The following XKR9 variants were observed in gnomAD, a reference collection of about 807,000 sequenced individuals.
The protein encoded by XKR9 is XK related 9.
XKR9 carries 32 observed loss-of-function variants against 32.0 expected under a neutral mutation model. The ratio of observed to expected loss-of-function variants is 1.00; its 90% CI spans 0.76 to 1.34. The LOEUF (loss-of-function observed/expected upper bound fraction) is 1.34. XKR9 is among the 40% of genes most tolerant of loss of function. XKR9 has a pLI of 0.00. For missense variants in XKR9, 546 were observed against 429.7 expected (o/e 1.27, Z -2.39); for synonymous variants, 168 against 143.4 (o/e 1.17, Z -1.22).
the XKR9 span, among the ~76,000 whole-genome samples, chr8:70,915,084 G>T: frequency 1.3e-5 from 2 of 152,064 alleles, no homozygotes; most frequent in Admixed American, 6.6e-5. Context: ...GGTTCTTCTT[G>T]CTGTCTTCAG....
chr8:70,748,726 G>T (rs1807093218), intron 2 of XKR9, among the ~76,000 whole-genome samples: 1 of 152,180 alleles, frequency 6.6e-6, no homozygotes, highest in South Asian at 2.1e-4. Context: ...CTGAAGCCTG[G>T]AGGCCAGGCT....
chr8:70,930,851 T>G, the XKR9 span, among the ~76,000 whole-genome samples: 1 of 152,132 alleles, frequency 6.6e-6, no homozygotes, highest in Non-Finnish European at 1.5e-5. Flanking sequence ...ATGGGAGGAA[T>G]TGATGGTTGG....
chr8:70,925,872 A>G, the XKR9 span, among the ~76,000 whole-genome samples: 1 of 152,218 alleles, frequency 6.6e-6, no homozygotes, highest in African/African-American at 2.4e-5. Context: ...AACAAAAAGT[A>G]TCTAGTAAAC....
At chr8:70,678,343 A>G (rs1818951001) in intron 2 of XKR9, among the ~76,000 whole-genome samples, 1 of 152,182 alleles carries the variant, frequency 6.6e-6, no homozygotes, top group South Asian at 2.1e-4. Flanking sequence ...ATAGATGTAC[A>G]TATTTTTGAG....
chr8:70,964,276 A>G, the XKR9 span, among the ~76,000 whole-genome samples: 3 of 152,176 alleles, frequency 2.0e-5, no homozygotes, highest in Non-Finnish European at 4.4e-5. Flanking sequence ...AGATAGTTGT[A>G]GGTGTGTAGT....
chr8:70,805,683 T>A, the XKR9 span, among the ~76,000 whole-genome samples: 7 of 152,192 alleles, frequency 4.6e-5, no homozygotes, highest in Non-Finnish European at 7.4e-5. Context: ...GACTCATCCT[T>A]ACTGGGTGAG....
At chr8:70,909,567 A>G in the XKR9 span, among the ~76,000 whole-genome samples, 1 of 151,914 alleles carries the variant, frequency 6.6e-6, no homozygotes, top group Non-Finnish European at 1.5e-5. Context: ...CCCAGGAGGC[A>G]GAGGTTGTAG....
chr8:70,995,485 T>G, the XKR9 span, among the ~76,000 whole-genome samples: 1 of 152,208 alleles, frequency 6.6e-6, no homozygotes, highest in Non-Finnish European at 1.5e-5. Context: ...ACTCTCATTC[T>G]AATCTTCTTA....
intron 4 of XKR9, among the ~76,000 whole-genome samples, chr8:70,721,278 C>T (rs554202155): frequency 2.9e-4 from 44 of 151,800 alleles, no homozygotes; most frequent in African/African-American, 8.5e-4. Context: ...TTTTTTTGAA[C>T]GGTTTTTCGT....
At chr8:70,926,558 C>T in the XKR9 span, among the ~76,000 whole-genome samples, 6 of 152,250 alleles carry the variant, frequency 3.9e-5, no homozygotes, top group African/African-American at 1.4e-4. Flanking sequence ...AACACAATCT[C>T]GCAAAAATAT....
chr8:70,987,795 A>T, the XKR9 span, among the ~76,000 whole-genome samples: 8 of 152,188 alleles, frequency 5.3e-5, no homozygotes, highest in Non-Finnish European at 4.4e-5. Context: ...TCCTAGCAGA[A>T]GCTCTCCATG....
chr8:70,778,819 C>T (rs552305106), intron 2 of XKR9, among the ~76,000 whole-genome samples: 20 of 152,002 alleles, frequency 1.3e-4, no homozygotes, highest in Admixed American at 7.9e-4. Context: ...ACTTTGCTGA[C>T]GTTGCTTATC....
chr8:70,700,562 C>T (rs183451727), intron 3 of XKR9, among the ~76,000 whole-genome samples: 3 of 152,278 alleles, frequency 2.0e-5, no homozygotes, highest in Admixed American at 6.5e-5. Flanking sequence ...CAGAAGAGTA[C>T]CCAGCCATGT....
chr8:70,730,280 A>G (rs1462718841), intron 4 of XKR9, among the ~76,000 whole-genome samples: 2 of 152,196 alleles, frequency 1.3e-5, no homozygotes, highest in African/African-American at 2.4e-5. Context: ...TGCATCTTCA[A>G]TGTTAAAGCT....
At chr8:70,792,990 T>G (rs1807783443), downstream of XKR9, among the ~76,000 whole-genome samples, 1 of 152,110 alleles carries the variant, frequency 6.6e-6, no homozygotes, top group African/African-American at 2.4e-5. Context: ...AATTTTTGTT[T>G]TAACATGAAT....
chr8:71,012,519 A>C, the XKR9 span, among the ~76,000 whole-genome samples: 1 of 152,126 alleles, frequency 6.6e-6, no homozygotes, highest in Non-Finnish European at 1.5e-5. Flanking sequence ...GGGAAAGTCA[A>C]AAATTGTGCC....
chr8:70,926,854 T>C, the XKR9 span, among the ~76,000 whole-genome samples: 1 of 152,208 alleles, frequency 6.6e-6, no homozygotes, highest in Non-Finnish European at 1.5e-5. Context: ...ACTTGGGTTT[T>C]ACAACTAATC....
chr8:70,931,741 T>C, the XKR9 span, among the ~76,000 whole-genome samples: 7 of 152,160 alleles, frequency 4.6e-5, no homozygotes, highest in East Asian at 1.9e-4. Context: ...AGGTATATCA[T>C]GTGGTGTGAG....
the XKR9 span, among the ~76,000 whole-genome samples, chr8:70,877,011 C>T: frequency 1.3e-5 from 2 of 151,996 alleles, no homozygotes; most frequent in Non-Finnish European, 2.9e-5. Context: ...GGAAGAAATA[C>T]CCAAGACTGG....
Sources: allele counts gnomAD v4.1 joint callset (sites outside exome capture counted in the v4.1 genomes callset), GRCh38; gene constraint gnomAD v4.1.1; transcripts MANE v1.5; gene names NCBI Gene and HGNC (gene_info 2026-07-23, HGNC 2026-07-21).